DNAAF8: variants seen among roughly 807,000 people sequenced by gnomAD.
DNAAF8 encodes the protein dynein axonemal-associated protein 1.
DNAAF8 carries 61 observed loss-of-function variants against 54.6 expected under a neutral mutation model. The observed-to-expected ratio is 1.12, with a 90% CI of 0.91 to 1.38. The LOEUF (loss-of-function observed/expected upper bound fraction) is 1.38. Among genes scored for constraint, DNAAF8 ranks in the 40% most tolerant of loss-of-function variants. The pLI is 0.00. For synonymous variants in DNAAF8, 320 were observed against 270.1 expected, an observed-to-expected ratio of 1.18 and a Z score of -1.81; for missense variants, 837 against 665.0, an observed-to-expected ratio of 1.26 and a Z score of -2.85.
At chr16:4,746,636 T>A in intron 7 of DNAAF8, 124 bp downstream of exon 7, 1 of 1,305,588 alleles carries the variant, frequency 7.7e-7, no homozygotes, top group Non-Finnish European at 1.0e-6. Context: ...GGATCAATTC[T>A]CAATTGAAAA....
In DNAAF8 at chr16:4,746,941, C is replaced by T. The variant is rs139697621; in HGVS notation, c.1196C>T (p.Ser399Phe). Residue 399 changes from serine (S) to phenylalanine (F), a missense_variant, in exon 8 of 10, where the codon TCC becomes TTC. Ser to Phe is a radical substitution (Grantham distance 155). Coordinates refer to ENST00000299320, the MANE Select transcript of DNAAF8 (RefSeq NM_139170.3). Reference protein sequence around the residue: ...HLSPESSSHSSSDSEEEEEEE... With the variant: ...HLSPESSSHSFSDSEEEEEEE... ...TCTCCCTGCAGCTCCAGCCACAGCT[C>T]CTCTGACAGTGAGGAGGAGGAGGAG... The T allele has an allele frequency of 1.7e-4, 260 of 1,561,866 alleles. No homozygotes were observed. Among genetic ancestry groups the T allele is most frequent in the Non-Finnish European group, 2.2e-4 (251 of 1,157,214 alleles).
At chr16:4,739,268 T>TTTTTTTTTTTG (rs2081933177) in intron 3 of DNAAF8, among the ~76,000 whole-genome samples, 1 of 130,366 alleles carries the variant, frequency 7.7e-6, no homozygotes, top group African/African-American at 2.8e-5. Context: ...TTTTCTTGTT[T>TTTTTTTTTTTG]TTTTTTTTTT....
intron 3 of DNAAF8, among the ~76,000 whole-genome samples, chr16:4,738,293 G>A (rs2081920140): frequency 6.6e-6 from 1 of 152,146 alleles, no homozygotes; most frequent in Non-Finnish European, 1.5e-5. Flanking sequence ...CCTTAACCCA[G>A]CTGGCTTCAT....
At chr16:4,747,693 G>C (rs897869140) in intron 9 of DNAAF8, 59 bp downstream of exon 9, 2 of 1,496,968 alleles carry the variant, frequency 1.3e-6, no homozygotes, top group African/African-American at 1.4e-5. Flanking sequence ...CCTGGGCCCC[G>C]GTGTCCCCTT....
chr16:4,746,561 G>C, intron 7 of DNAAF8, 49 bp downstream of exon 7: 2 of 1,577,508 alleles, frequency 1.3e-6, no homozygotes, highest in Non-Finnish European at 1.7e-6. Context: ...TTGCAGAGTT[G>C]CCTGTTGACC....
rs2081948278 is a variant in DNAAF8, at chr16:4,740,439, C to G, written c.563C>G (p.Thr188Ser). The G allele has an allele frequency of 3.1e-6, 5 of 1,613,940 alleles. No individual in the cohort carries two copies. The highest frequency in any genetic ancestry group is 4.2e-6 in the Non-Finnish European group (5 of 1,180,016). The change falls in exon 4 of 10, where the codon ACT (threonine) becomes AGT (serine). Residue 188 changes from threonine (T) to serine (S), a missense_variant. Coordinates refer to ENST00000299320, the MANE Select transcript of DNAAF8 (RefSeq NM_139170.3). ...EGDPKAEPLS[T>S]ASQESVNRRA... The stretch of plus-strand genomic sequence containing the variant: ...GACCCAAAGGCAGAGCCCCTCAGCA[C>G]TGCCTCACAAGAATCTGTGAACCGC...
intron 2 of DNAAF8, among the ~76,000 whole-genome samples, chr16:4,737,501 G>A (rs2142200359): frequency 6.6e-6 from 1 of 152,310 alleles, no homozygotes; most frequent in Middle Eastern, 3.4e-3. Flanking sequence ...ATGTCACGAG[G>A]CATTAATGAA....
chr16:4,746,584 T>G, intron 7 of DNAAF8, 72 bp downstream of exon 7: 1 of 1,506,852 alleles, frequency 6.6e-7, no homozygotes, highest in Non-Finnish European at 9.0e-7. Context: ...ACAGAGCCTC[T>G]GGTGGATCCT....
chr16:4,747,778 G>C (rs749396205), intron 9 of DNAAF8, 144 bp downstream of exon 9: 1 of 964,756 alleles, frequency 1.0e-6, no homozygotes, highest in African/African-American at 1.8e-5. Context: ...TGCCCACCCT[G>C]TTAGAGCTCA....
intron 3 of DNAAF8, among the ~76,000 whole-genome samples, chr16:4,739,265 G>GTT (rs35113323): frequency 0.047 from 3,232 of 68,872 alleles, 576 homozygotes; most frequent in Non-Finnish European, 0.067. Flanking sequence ...ATTTTTTCTT[G>GTT]TTTTTTTTTT....
In DNAAF8 at chr16:4,737,917, G is replaced by A. The variant is rs2081916553; in HGVS notation, c.247G>A (p.Val83Ile). ...PADGDKSRAWVAAAEESLPEP... is the reference protein window; with the variant it reads ...PADGDKSRAWIAAAEESLPEP... ...CGATGGCGACAAGTCCAGGGCCTGG[G>A]TCGCTGCAGCTGAAGAGTCCCTTCC... Residue 83 changes from valine to isoleucine, a missense_variant, in exon 3 of 10, where the codon GTC (valine) becomes ATC (isoleucine). By Grantham distance (29) the Val-to-Ile change is conservative (BLOSUM62 3). Coordinates refer to ENST00000299320, the MANE Select transcript of DNAAF8 (RefSeq NM_139170.3). The A allele has an allele frequency of 1.3e-5, 21 of 1,614,242 alleles. No individual in the cohort carries two copies. The highest frequency in any genetic ancestry group is 1.8e-5 in the Non-Finnish European group (21 of 1,180,052).
intron 4 of DNAAF8, among the ~76,000 whole-genome samples, chr16:4,741,740 G>A (rs930712806): frequency 4.6e-4 from 70 of 151,638 alleles, no homozygotes; most frequent in Non-Finnish European, 3.5e-4. Flanking sequence ...TGGGGATCAC[G>A]CCCCTGCACT....
rs859314 is a variant in DNAAF8, at chr16:4,736,455, A to G, written c.-51-9A>G. 855,934 of 1,415,106 alleles carry G rather than the reference A, an allele frequency of 0.6. 260,294 individuals are homozygous for G. The highest frequency in any genetic ancestry group is 0.69 in the East Asian group (25,870 of 37,606). The allele number at this position is 1,415,106 out of a possible 1,614,324, so 87.7% of individuals were successfully genotyped here. A position where few individuals can be genotyped will look rare whatever the true frequency, so the allele number is the denominator to read the frequency against. ...CGGACCCTCTTCCATCACCCTGTGT[A>G]CCCCACAGAGCTCCCCGGATTATGG... On this transcript the variant is annotated splice_polypyrimidine_tract_variant and intron_variant, in intron 1 of 9. Transcript: ENST00000299320.
At chr16:4,741,150 C>T (rs1378279980) in intron 4 of DNAAF8, among the ~76,000 whole-genome samples, 1 of 149,802 alleles carries the variant, frequency 6.7e-6, no homozygotes, top group Non-Finnish European at 1.5e-5. Flanking sequence ...AGGAGAATGG[C>T]GTGAACCTGG....
chr16:4,746,431 G>A lies in DNAAF8; in HGVS notation c.1100G>A (p.Gly367Asp). 6.2e-7 allele frequency: 1 copy of A among 1,613,554 alleles called. No homozygotes were observed. Among genetic ancestry groups the A allele is most frequent in the African/African-American group, 1.3e-5 (1 of 75,042 alleles). The change falls in exon 7 of 10, where the codon GGC becomes GAC. Residue 367 changes from glycine (G) to aspartate (D), a missense_variant. Gly to Asp is a moderately conservative substitution (Grantham distance 94). Coordinates refer to ENST00000299320, the MANE Select transcript of DNAAF8 (RefSeq NM_139170.3). ...QAGPGPQLAQ[G>D]MRLNAESPTI... ...GGGCCAGGCCCGCAGCTGGCCCAGGGCATGAGGCTTAACGCAGAGTCCCCC... is the reference window on the plus strand; with the variant it reads ...GGGCCAGGCCCGCAGCTGGCCCAGGACATGAGGCTTAACGCAGAGTCCCCC...
chr16:4,736,744 GCTGAC>G, intron 2 of DNAAF8, 101 bp downstream of exon 2: 1 of 1,231,482 alleles, frequency 8.1e-7, no homozygotes, highest in African/African-American at 1.5e-5. Flanking sequence ...GACTTTTCCT[GCTGAC>G]CTGTGCAGTT....
chr16:4,740,059 A>AG, intron 3 of DNAAF8, 94 bp from the exon 4 acceptor site: 5 of 444,112 alleles, frequency 1.1e-5, no homozygotes, highest in Non-Finnish European at 1.1e-5. Context: ...ACTTCACCTC[A>AG]AAAAAAAAAA....
rs1306966537 is a variant in DNAAF8, at chr16:4,736,569, C to A, written c.55C>A (p.Gln19Lys). ...CTCGCTGGGCTCTCCCTGGGCCTCC[C>A]AGATGGGGCCCTGGGATGCCATCCT... ...APSLGSPWAS[Q>K]MGPWDAILKA... is the part of the protein sequence containing the mutation. The change falls in exon 2 of 10, where the codon CAG becomes AAG. Residue 19 changes from glutamine to lysine, a missense_variant. Coordinates refer to ENST00000299320, the MANE Select transcript of DNAAF8 (RefSeq NM_139170.3). 6.3e-7 allele frequency: 1 copy of A among 1,590,190 alleles called. No individual in the cohort carries two copies. Among genetic ancestry groups the A allele is most frequent in the Non-Finnish European group, 8.6e-7 (1 of 1,164,698 alleles).
chr16:4,738,558 G>C (rs1253105848), intron 3 of DNAAF8, among the ~76,000 whole-genome samples: 1 of 152,194 alleles, frequency 6.6e-6, no homozygotes, highest in African/African-American at 2.4e-5. Flanking sequence ...ATGAGGCCAG[G>C]AGTTTGAGAC....
Sources: gnomAD v4.1 joint callset for allele counts (sites outside exome capture counted in the v4.1 genomes callset) on GRCh38, gnomAD v4.1.1 for gene constraint, MANE v1.5 for transcripts, NCBI Gene and HGNC (gene_info 2026-07-23, HGNC 2026-07-21) for gene names.